CTNNA3: variants seen among roughly 807,000 people sequenced by gnomAD.
CTNNA3 encodes the protein catenin alpha 3.
CTNNA3 carries 76 observed loss-of-function variants against 95.7 expected under a neutral mutation model. The observed-to-expected ratio is 0.79, with a 90% CI of 0.66 to 0.96. CTNNA3 has a LOEUF of 0.96. Ranked by LOEUF, CTNNA3 falls within the 40% of genes least tolerant of loss-of-function variation. The pLI, the probability that CTNNA3 is intolerant of heterozygous loss-of-function variation, is 0.00. For missense variants in CTNNA3, 1,191 were observed against 1,089.8 expected (o/e 1.09, Z -1.31); for synonymous variants, 431 against 374.4 (o/e 1.15, Z -1.74).
intron 1 of CTNNA3, among the ~76,000 whole-genome samples, chr10:67,748,234 G>T (rs560895335): frequency 1.3e-5 from 2 of 151,924 alleles, no homozygotes; most frequent in Non-Finnish European, 2.9e-5. Flanking sequence ...GCCAACATTC[G>T]AATTCAGGAA....
chr10:66,294,587 A>C lies in CTNNA3; in HGVS notation c.1733-13966T>G, dbSNP rs190231305. ...GAGGTTTTAGAGTAGGCTAGAAGAAAAGAGTTCATAAAGATCTGAATGAGG... is the reference window on the plus strand; with the variant it reads ...GAGGTTTTAGAGTAGGCTAGAAGAACAGAGTTCATAAAGATCTGAATGAGG... On this transcript the variant is annotated intron_variant, in intron 12 of 17. Transcript: ENST00000433211. Among the ~76,000 whole-genome samples the C allele has an allele frequency of 9.8e-5, 15 of 152,306 alleles. No homozygotes were observed. In the East Asian group the frequency reaches 2.9e-3, roughly 29 times the overall value.
chr10:66,826,117 T>C (rs1202399761), intron 7 of CTNNA3, among the ~76,000 whole-genome samples: 1 of 152,176 alleles, frequency 6.6e-6, no homozygotes, highest in Non-Finnish European at 1.5e-5. Flanking sequence ...AATTTAGGGG[T>C]GTTCAGTATG....
chr10:67,526,431 A>T (rs113173383), intron 4 of CTNNA3, among the ~76,000 whole-genome samples: 26 of 150,808 alleles, frequency 1.7e-4, no homozygotes, highest in African/African-American at 6.1e-4. Flanking sequence ...GATCTAAATT[A>T]GAAATAGTTC....
At chr10:67,380,412 T>A (rs1388212904) in intron 5 of CTNNA3, among the ~76,000 whole-genome samples, 2 of 152,190 alleles carry the variant, frequency 1.3e-5, no homozygotes, top group African/African-American at 2.4e-5. Context: ...TTAACTGTAA[T>A]CTTCCAAGAG....
intron 6 of CTNNA3, among the ~76,000 whole-genome samples, chr10:67,184,842 T>C (rs887204987): frequency 3.9e-5 from 6 of 152,214 alleles, no homozygotes; most frequent in African/African-American, 1.4e-4. Context: ...TTCACATTGC[T>C]GATAGAGGTT....
intron 13 of CTNNA3, among the ~76,000 whole-genome samples, chr10:66,264,303 T>G (rs2091092847): frequency 6.6e-6 from 1 of 151,914 alleles, no homozygotes; most frequent in African/African-American, 2.4e-5. Context: ...CCACATTTGT[T>G]TCCCAATTTC....
At chr10:67,727,141 CATATATTATATAATTATATATA>C in intron 1 of CTNNA3, among the ~76,000 whole-genome samples, 2 of 116,898 alleles carry the variant, frequency 1.7e-5, no homozygotes, top group Non-Finnish European at 3.3e-5. Flanking sequence ...ATATATGATA[CATATATTATATAATTATATATA>C]ATATATGATA....
In CTNNA3 at chr10:67,553,428, T is replaced by A. The variant is rs1841104921; in HGVS notation, c.293-13759A>T. 3.3e-5 allele frequency among the ~76,000 whole-genome samples: 5 copies of A among 152,198 alleles called. 1 individual carries two copies. In the South Asian group the frequency reaches 1.0e-3, roughly 32 times the overall value. ...ATCCTGGAAAAACATCTTGAGTCAC[T>A]ATCGAAATCTAAACATTTTAAAGTC... On this transcript the variant is annotated intron_variant, in intron 3 of 17. Transcript: ENST00000433211.
chr10:67,428,704 G>A (rs1846003031), intron 5 of CTNNA3, among the ~76,000 whole-genome samples: 1 of 151,990 alleles, frequency 6.6e-6, no homozygotes, highest in Admixed American at 6.6e-5. Flanking sequence ...ACTGGGCTGG[G>A]GAAGGCAGAT....
At chr10:67,572,879 GGA>G (rs1842022614) in intron 3 of CTNNA3, among the ~76,000 whole-genome samples, 1 of 152,132 alleles carries the variant, frequency 6.6e-6, no homozygotes. Flanking sequence ...CTTGAGTCCA[GGA>G]GTTCAAGACC....
chr10:66,474,478 C>T (rs1435061355), intron 11 of CTNNA3, among the ~76,000 whole-genome samples: 1 of 152,034 alleles, frequency 6.6e-6, no homozygotes, highest in Non-Finnish European at 1.5e-5. Context: ...GATTCTAAAT[C>T]TTGGCTATTG....
At chr10:67,207,056 G>A (rs908505156) in intron 6 of CTNNA3, among the ~76,000 whole-genome samples, 55 of 152,140 alleles carry the variant, frequency 3.6e-4, no homozygotes, top group African/African-American at 1.1e-3. Context: ...ACTGGAACTC[G>A]GGAGGCGGAG....
intron 13 of CTNNA3, among the ~76,000 whole-genome samples, chr10:66,126,207 G>A (rs1373835130): frequency 1.3e-5 from 2 of 152,178 alleles, no homozygotes; most frequent in Non-Finnish European, 2.9e-5. Context: ...ACTTGATAAA[G>A]CTACTTTCCA....
intron 9 of CTNNA3, among the ~76,000 whole-genome samples, chr10:66,758,681 T>A (rs950882038): frequency 1.3e-5 from 2 of 152,146 alleles, no homozygotes; most frequent in African/African-American, 2.4e-5. Context: ...ACGCCTGTAA[T>A]CTCAGCACTT....
chr10:66,900,240 G>A (rs1486280089), intron 7 of CTNNA3, among the ~76,000 whole-genome samples: 1 of 152,154 alleles, frequency 6.6e-6, no homozygotes, highest in Non-Finnish European at 1.5e-5. Context: ...GGGCTGGAGT[G>A]GACCTCCAGC....
intron 9 of CTNNA3, among the ~76,000 whole-genome samples, chr10:66,675,943 T>C (rs1846836870): frequency 6.6e-6 from 1 of 152,092 alleles, no homozygotes; most frequent in South Asian, 2.1e-4. Flanking sequence ...AACCTGACTA[T>C]ATAAAATCAA....
intron 10 of CTNNA3, among the ~76,000 whole-genome samples, chr10:66,578,040 G>A (rs1463704593): frequency 2.0e-5 from 3 of 151,774 alleles, no homozygotes; most frequent in Non-Finnish European, 2.9e-5. Context: ...GTTCTTTAAG[G>A]TCCTTAGTAA....
chr10:67,460,849 G>A (rs1220200618), intron 5 of CTNNA3, among the ~76,000 whole-genome samples: 1 of 152,102 alleles, frequency 6.6e-6, no homozygotes. Flanking sequence ...AGGTTAGAAG[G>A]TCTCTGATAA....
chr10:67,683,864 G>A (rs1227707972), intron 1 of CTNNA3, among the ~76,000 whole-genome samples: 1 of 151,858 alleles, frequency 6.6e-6, no homozygotes, highest in Non-Finnish European at 1.5e-5. Flanking sequence ...CTTAAAGGCG[G>A]CATATCCGGA....
Sources: allele counts gnomAD v4.1 joint callset (sites outside exome capture counted in the v4.1 genomes callset), GRCh38; gene constraint gnomAD v4.1.1; transcripts MANE v1.5; gene names NCBI Gene and HGNC (gene_info 2026-07-23, HGNC 2026-07-21).